Variants in ARHGEF9 observed in about 807,000 individuals in gnomAD.
ARHGEF9 encodes the protein rho guanine nucleotide exchange factor 9.
ARHGEF9 carries 2 observed loss-of-function variants against 41.3 expected under a neutral mutation model. The ratio of observed to expected loss-of-function variants is 0.05; its 90% confidence interval spans 0.02 to 0.15. The LOEUF (loss-of-function observed/expected upper bound fraction) is 0.15, where lower values mean the gene tolerates loss of function less well. ARHGEF9 is among the 10% of genes least tolerant of loss of function. The pLI is 1.00. For missense variants in ARHGEF9, 225 were observed against 424.7 expected (o/e 0.53, Z 4.13); for synonymous variants, 160 against 154.4 (o/e 1.04, Z -0.27).
chrX:63,769,313 A>T (rs1412626832), intron 1 of ARHGEF9, among the ~76,000 whole-genome samples: 1 of 111,446 alleles, frequency 9.0e-6, no homozygotes, highest in Non-Finnish European at 1.9e-5. Flanking sequence ...TTAGGGTATC[A>T]GGTGAAAAAA....
At chrX:63,763,118 G>A (rs1172431614) in intron 1 of ARHGEF9, among the ~76,000 whole-genome samples, 2 of 111,389 alleles carry the variant, frequency 1.8e-5, no homozygotes, top group Non-Finnish European at 3.8e-5. Flanking sequence ...AAAGTTACAC[G>A]TTGATTTTCA....
chrX:63,687,655 T>C (rs1308642944), intron 4 of ARHGEF9, among the ~76,000 whole-genome samples: 1 of 110,401 alleles, frequency 9.1e-6, no homozygotes, highest in Non-Finnish European at 1.9e-5. Flanking sequence ...TTACAGAAAT[T>C]TAACAATGAA....
chrX:63,754,706 T>C, intron 1 of ARHGEF9: 3 of 951,941 alleles, frequency 3.2e-6, no homozygotes, highest in Non-Finnish European at 3.9e-6. Flanking sequence ...GTAGGGTGGT[T>C]AGAGAAGGGC....
intron 7 of ARHGEF9, among the ~76,000 whole-genome samples, chrX:63,665,197 C>T (rs377071585): frequency 7.1e-5 from 8 of 112,041 alleles, no homozygotes; most frequent in South Asian, 7.5e-4. Context: ...GGAGGAGTGA[C>T]GCTTAGAACA....
chrX:63,643,444 C>T (rs1209621807), intron 9 of ARHGEF9, among the ~76,000 whole-genome samples: 1 of 108,129 alleles, frequency 9.2e-6, no homozygotes, highest in Non-Finnish European at 1.9e-5. Flanking sequence ...CTGCAACCTC[C>T]GCCTCCCAGG....
At chrX:63,780,003 T>C (rs1350993659) in intron 1 of ARHGEF9, among the ~76,000 whole-genome samples, 11 of 111,856 alleles carry the variant, frequency 9.8e-5, no homozygotes, top group Non-Finnish European at 1.7e-4. Context: ...TAAGTAGAAG[T>C]ATTAAATAGG....
chrX:63,750,964 T>A (rs1360666841), intron 1 of ARHGEF9, among the ~76,000 whole-genome samples: 9 of 110,580 alleles, frequency 8.1e-5, no homozygotes, highest in African/African-American at 3.0e-4. Flanking sequence ...TTTTCTAGAG[T>A]TATTGGTGCC....
At position 63,744,705 on chromosome X, in the gene ARHGEF9, AGTT is replaced by A. The variant is rs781935429; in HGVS notation, c.31-19997_31-19995del. On this transcript the variant is annotated intron_variant, in intron 1 of 9. Transcript: ENST00000671741. ...AAGTGTAAGACTGTTCAAGAGGAGT[AGTT>A]AAGAATCAAGTGAGTACCCACTAGC... Among the ~76,000 whole-genome samples the A allele has an allele frequency of 8.1e-3, 904 of 112,053 alleles. 4 individuals are homozygous for A. Among genetic ancestry groups the A allele is most frequent in the South Asian group, 0.017 (45 of 2,602 alleles).
intron 1 of ARHGEF9, chrX:63,755,703 G>T: frequency 6.6e-6 from 2 of 300,791 alleles, no homozygotes; most frequent in Non-Finnish European, 8.9e-6. Flanking sequence ...CACTGCCTAA[G>T]AATTTACAGG....
chrX:63,771,193 T>C (rs1382831921), intron 1 of ARHGEF9, among the ~76,000 whole-genome samples: 1 of 112,198 alleles, frequency 8.9e-6, no homozygotes, highest in South Asian at 3.7e-4. Context: ...TTTGAAAATA[T>C]GAAATACCAA....
chrX:63,660,389 T>G (rs782390557), intron 7 of ARHGEF9, among the ~76,000 whole-genome samples: 3 of 111,277 alleles, frequency 2.7e-5, no homozygotes, highest in Non-Finnish European at 5.7e-5. Flanking sequence ...TGGGGTTTAC[T>G]TGAGGGTGGA....
intron 1 of ARHGEF9, among the ~76,000 whole-genome samples, chrX:63,738,791 C>T (rs1232495986): frequency 9.0e-6 from 1 of 111,573 alleles, no homozygotes; most frequent in East Asian, 2.8e-4. Flanking sequence ...ATGCCTGCCC[C>T]TCAAGGCCTG....
intron 8 of ARHGEF9, among the ~76,000 whole-genome samples, chrX:63,647,844 G>T (rs1350569769): frequency 9.0e-6 from 1 of 111,188 alleles, no homozygotes; most frequent in Non-Finnish European, 1.9e-5. Context: ...GAATTTGGCT[G>T]TGAATCCGTC....
chrX:63,646,544 A>G (rs2048086768), intron 8 of ARHGEF9, among the ~76,000 whole-genome samples: 1 of 111,490 alleles, frequency 9.0e-6, no homozygotes, highest in Non-Finnish European at 1.9e-5. Context: ...GGTTGTAGAT[A>G]TGCATCATTA....
intron 8 of ARHGEF9, among the ~76,000 whole-genome samples, chrX:63,651,612 AT>A (rs2048545316): frequency 1.8e-5 from 2 of 111,452 alleles, no homozygotes; most frequent in Admixed American, 1.9e-4. Flanking sequence ...CCAAAAATAT[AT>A]TTTTAATCAG....
intron 1 of ARHGEF9, among the ~76,000 whole-genome samples, chrX:63,742,472 C>T (rs2055020811): frequency 9.0e-6 from 1 of 111,626 alleles, no homozygotes; most frequent in South Asian, 3.8e-4. Context: ...CCCTCTAACC[C>T]TCAGCAAGCT....
At chrX:63,669,266 G>C (rs2049790319) in intron 6 of ARHGEF9, among the ~76,000 whole-genome samples, 1 of 110,815 alleles carries the variant, frequency 9.0e-6, no homozygotes, top group Non-Finnish European at 1.9e-5. Context: ...CCCAACCGTG[G>C]GCCTTTGGAT....
chrX:63,635,172 A>AC lies in ARHGEF9; in HGVS notation c.*2855_*2856insG. 1.6e-5 allele frequency: 4 copies of AC among 246,022 alleles called. No individual in the cohort carries two copies. Among genetic ancestry groups the AC allele is most frequent in the Admixed American group, 7.1e-5 (1 of 14,098 alleles). The allele number at this position is 246,022 out of a possible 1,213,427, so 20.3% of individuals were successfully genotyped here. ...TCACTGTTGCCCATCCATCCACCCCAGCCCACCCCATCCCCAAAGCACTAA... is the reference window on the plus strand; with the variant it reads ...TCACTGTTGCCCATCCATCCACCCCACGCCCACCCCATCCCCAAAGCACTAA... On this transcript the variant is annotated 3_prime_UTR_variant, in exon 10 of 10. Transcript: ENST00000671741.
intron 2 of ARHGEF9, among the ~76,000 whole-genome samples, chrX:63,720,013 T>C (rs1361310985): frequency 1.8e-5 from 2 of 111,557 alleles, no homozygotes; most frequent in Non-Finnish European, 3.8e-5. Context: ...CCACCATGCA[T>C]ACCAGGGAAG....
Sources: gnomAD v4.1 joint callset for allele counts (sites outside exome capture counted in the v4.1 genomes callset) on GRCh38, gnomAD v4.1.1 for gene constraint, MANE v1.5 for transcripts, NCBI Gene and HGNC (gene_info 2026-07-23, HGNC 2026-07-21) for gene names.